VOPP1: variants seen among roughly 807,000 people sequenced by gnomAD.
VOPP1 encodes the protein VOPP1 WW domain binding protein, also known as WW domain binding protein VOPP1.
Under a neutral mutation model 23.5 loss-of-function variants are expected in VOPP1, and 8 were observed. The observed-to-expected ratio is 0.34, with a 90% CI of 0.20 to 0.61. VOPP1 has a LOEUF of 0.61. VOPP1 is among the 20% of genes least tolerant of loss of function. The pLI is 0.78. For missense variants in VOPP1, 174 were observed against 238.1 expected (o/e 0.73, Z 1.77); for synonymous variants, 83 against 97.3 (o/e 0.85, Z 0.86).
chr7:55,488,971 A>T (rs1793355107), intron 4 of VOPP1, among the ~76,000 whole-genome samples: 1 of 152,134 alleles, frequency 6.6e-6, no homozygotes, highest in African/African-American at 2.4e-5. Flanking sequence ...CCCTCCTCTC[A>T]GTCCCCACGC....
chr7:55,496,506 T>C (rs934344446), intron 3 of VOPP1, among the ~76,000 whole-genome samples: 1 of 152,174 alleles, frequency 6.6e-6, no homozygotes, highest in Non-Finnish European at 1.5e-5. Flanking sequence ...ACCAGCTCCC[T>C]TGTTAGGGGG....
intron 4 of VOPP1, among the ~76,000 whole-genome samples, chr7:55,475,271 G>A (rs1337006907): frequency 1.3e-5 from 2 of 152,150 alleles, no homozygotes; most frequent in African/African-American, 4.8e-5. Flanking sequence ...CTGGGAGCTG[G>A]TGCACAGGAA....
intron 4 of VOPP1, among the ~76,000 whole-genome samples, chr7:55,478,477 A>T (rs983671154): frequency 7.2e-5 from 11 of 152,248 alleles, no homozygotes; most frequent in African/African-American, 2.4e-4. Context: ...GTGCACAGAG[A>T]ATAAAGAAGA....
intron 4 of VOPP1, among the ~76,000 whole-genome samples, chr7:55,450,866 A>G (rs1278728928): frequency 1.3e-5 from 2 of 152,250 alleles, no homozygotes; most frequent in Admixed American, 6.5e-5. Context: ...GTGGCAAATG[A>G]TATCAGCACT....
chr7:55,533,578 C>T (rs1023539503), intron 1 of VOPP1, among the ~76,000 whole-genome samples: 2 of 152,178 alleles, frequency 1.3e-5, no homozygotes, highest in African/African-American at 2.4e-5. Context: ...GGGAACCTTC[C>T]GGACCTAGGG....
intron 1 of VOPP1, among the ~76,000 whole-genome samples, chr7:55,565,981 G>A (rs1299107572): frequency 5.3e-5 from 8 of 152,242 alleles, no homozygotes; most frequent in South Asian, 2.1e-4. Flanking sequence ...ACCAATCTCC[G>A]ATCCCAAGAT....
intron 2 of VOPP1, among the ~76,000 whole-genome samples, chr7:55,507,718 T>C (rs906494731): frequency 6.6e-6 from 1 of 152,244 alleles, no homozygotes; most frequent in African/African-American, 2.4e-5. Context: ...ATCCACATGA[T>C]GTCAGAATTG....
At chr7:55,460,862 A>G (rs1426135293) in intron 4 of VOPP1, among the ~76,000 whole-genome samples, 2 of 152,096 alleles carry the variant, frequency 1.3e-5, no homozygotes, top group Non-Finnish European at 2.9e-5. Flanking sequence ...TTCAGTCTGT[A>G]TGTGTCTTTA....
At chr7:55,438,063 G>A (rs1044530498) in intron 4 of VOPP1, among the ~76,000 whole-genome samples, 2 of 151,660 alleles carry the variant, frequency 1.3e-5, no homozygotes, top group Non-Finnish European at 2.9e-5. Context: ...AACCTCACCC[G>A]GCTAATTTTT....
At chr7:55,486,077 C>T (rs908725833) in intron 4 of VOPP1, among the ~76,000 whole-genome samples, 10 of 152,202 alleles carry the variant, frequency 6.6e-5, no homozygotes, top group African/African-American at 2.4e-4. Context: ...GAGTGGACCA[C>T]GACGGGCCAG....
At chr7:55,454,013 C>A (rs183575839) in intron 4 of VOPP1, among the ~76,000 whole-genome samples, 69 of 152,064 alleles carry the variant, frequency 4.5e-4, no homozygotes, top group African/African-American at 1.6e-3. Flanking sequence ...TTATTCATCA[C>A]CCACATCCAG....
At chr7:55,502,952 C>A (rs1200999706) in intron 2 of VOPP1, among the ~76,000 whole-genome samples, 1 of 152,216 alleles carries the variant, frequency 6.6e-6, no homozygotes, top group Admixed American at 6.5e-5. Context: ...ATCCGCTCCA[C>A]AGCATATCTA....
intron 4 of VOPP1, among the ~76,000 whole-genome samples, chr7:55,442,980 G>A (rs535834951): frequency 2.4e-4 from 37 of 152,150 alleles, no homozygotes; most frequent in African/African-American, 7.5e-4. Context: ...TTAGCCAGGC[G>A]TGGTGGCAGG....
rs114536680 is a variant in VOPP1 at position 55,499,695 on chromosome 7, C to T, written c.114-2005G>A. Among the ~76,000 whole-genome samples, 153 of 152,254 alleles carry T rather than the reference C, an allele frequency of 1.0e-3. 1 individual carries two copies. Among genetic ancestry groups the T allele is most frequent in the African/African-American group, 1.7e-3 (69 of 41,546 alleles). On this transcript the variant is annotated intron_variant, in intron 2 of 4. Transcript: ENST00000285279. ...GGAGGTGACGTCTGAAAAGAGAGCA[C>T]GCAGGAATCCAGTCTGCCAATGAGG...
chr7:55,555,253 GGGTGCT>G (rs1797762781), intron 1 of VOPP1, among the ~76,000 whole-genome samples: 1 of 152,200 alleles, frequency 6.6e-6, no homozygotes, highest in Non-Finnish European at 1.5e-5. Flanking sequence ...AGGAGAGGGA[GGGTGCT>G]CTGCATGGAC....
intron 3 of VOPP1, among the ~76,000 whole-genome samples, chr7:55,494,111 G>A (rs576540341): frequency 8.5e-5 from 13 of 152,268 alleles, no homozygotes; most frequent in African/African-American, 3.1e-4. Flanking sequence ...CGGAGGGAGC[G>A]GCCATGGGGA....
chr7:55,551,813 G>A (rs1484069974), intron 1 of VOPP1, among the ~76,000 whole-genome samples: 3 of 152,138 alleles, frequency 2.0e-5, no homozygotes, highest in Non-Finnish European at 2.9e-5. Context: ...GCCCAGGAGC[G>A]TGGATCACTT....
chr7:55,532,356 T>C (rs1029781693), intron 1 of VOPP1, among the ~76,000 whole-genome samples: 1 of 152,230 alleles, frequency 6.6e-6, no homozygotes, highest in African/African-American at 2.4e-5. Flanking sequence ...GGTATTTCTG[T>C]CTTGCCTTGA....
rs145240774 is a variant in VOPP1, at chr7:55,454,065, T to C, written n.418-17891A>G. On this transcript the variant is annotated intron_variant and non_coding_transcript_variant, in intron 4 of 4. Transcript: ENST00000462326. ...TTTGTTAATAGACATATAACAATTA[T>C]ATGCATTTATGGGGTATATGTCATA... Among the ~76,000 whole-genome samples, 300 of 152,314 alleles carry C rather than the reference T, an allele frequency of 2.0e-3. 1 individual carries two copies. Among genetic ancestry groups the C allele is most frequent in the African/African-American group, 6.9e-3 (285 of 41,570 alleles).
Sources: gnomAD v4.1 joint callset for allele counts (sites outside exome capture counted in the v4.1 genomes callset) on GRCh38, gnomAD v4.1.1 for gene constraint, MANE v1.5 for transcripts, NCBI Gene and HGNC (gene_info 2026-07-23, HGNC 2026-07-21) for gene names.